The following CACNA1C variants were observed in gnomAD, a reference collection of about 807,000 sequenced individuals.
CACNA1C encodes calcium voltage-gated channel subunit alpha1 C.
In CACNA1C, 30 loss-of-function variants were observed where a neutral mutation model predicts 229.0. That is an observed-to-expected ratio of 0.13 (90% CI 0.10 to 0.18). The LOEUF is 0.18. CACNA1C is among the 10% of genes least tolerant of loss of function. CACNA1C has a pLI of 1.00. For missense variants in CACNA1C, 1,658 were observed against 2,845.0 expected, an observed-to-expected ratio of 0.58 and a Z score of 9.49; for synonymous variants, 1,114 against 1,132.5, an observed-to-expected ratio of 0.98 and a Z score of 0.33.
intron 3 of CACNA1C, among the ~76,000 whole-genome samples, chr12:2,407,205 A>AG (rs1201543022): frequency 2.0e-5 from 3 of 152,256 alleles, no homozygotes; most frequent in Admixed American, 6.5e-5. Flanking sequence ...CGGCAGGGAA[A>AG]GGGGGGCACA....
intron 34 of CACNA1C, among the ~76,000 whole-genome samples, chr12:2,657,561 A>G (rs980524939): frequency 6.6e-6 from 1 of 152,214 alleles, no homozygotes; most frequent in Non-Finnish European, 1.5e-5. Flanking sequence ...AAAGGAAGCT[A>G]AAGTAAAAGT....
rs2083831898 is a variant in CACNA1C, at chr12:2,116,349, G to GC, written c.371+804_371+805insC. Among the ~76,000 whole-genome samples, 19 of 152,086 alleles carry GC rather than the reference G, an allele frequency of 1.2e-4. 2 individuals are homozygous for GC. The South Asian group carries it at 3.8e-3, about 30-fold the overall frequency. ...AGCCCCTTACTTCATCAGAATCCTG[G>GC]GGCTGTAGAAATTGGGAAGGACTTT... On this transcript the variant is annotated intron_variant, in intron 2 of 46. Coordinates refer to ENST00000399655, the MANE Select transcript of CACNA1C (RefSeq NM_000719.7).
chr12:2,555,770 C>T (rs532511758), intron 10 of CACNA1C, among the ~76,000 whole-genome samples: 2 of 152,300 alleles, frequency 1.3e-5, no homozygotes, highest in South Asian at 4.1e-4. Flanking sequence ...ATCTCATGCA[C>T]GATGGCTTTG....
chr12:2,403,512 G>T lies in CACNA1C; in HGVS notation c.478-45464G>T, dbSNP rs1223174168. On this transcript the variant is annotated intron_variant, in intron 3 of 46. Transcript: ENST00000399655. This position sits in a 1 kb window ranked among gnomAD's most constrained non-coding sequence, Gnocchi z 4.1. ...CAAGGCCCGGAGCTGCCATCCCAAG[G>T]CTGCTTTTCCTTTCCTTTCTTTTTT... is the stretch of plus-strand genomic sequence containing the variant. 6.6e-6 allele frequency among the ~76,000 whole-genome samples: 1 copy of T among 152,132 alleles called. No individual in the cohort carries two copies. The highest frequency in any genetic ancestry group is 1.5e-5 in the Non-Finnish European group (1 of 68,022).
intron 1 of CACNA1C, among the ~76,000 whole-genome samples, chr12:2,006,946 A>C (rs2043573673): frequency 6.6e-6 from 1 of 152,216 alleles, no homozygotes; most frequent in Non-Finnish European, 1.5e-5. Flanking sequence ...TAGTTTGAAA[A>C]ACATAGGGCT....
In CACNA1C at chr12:2,585,537, T is replaced by C. The variant is rs891696146; in HGVS notation, c.2460+41T>C. The C allele has an allele frequency of 6.6e-6, 10 of 1,514,056 alleles. No homozygotes were observed. The highest frequency in any genetic ancestry group is 8.9e-6 in the Non-Finnish European group (10 of 1,127,810). 93.8% of individuals were successfully genotyped at this position (1,514,056 alleles called of 1,614,324 possible). On this transcript the variant is annotated intron_variant, in intron 17 of 46. Coordinates refer to ENST00000399655, the MANE Select transcript of CACNA1C (RefSeq NM_000719.7). This position sits in a 1 kb window ranked among gnomAD's most constrained non-coding sequence, Gnocchi z 4.1. ...CTTCCTGGAGCTGTGAGGCCGGTGCTGGGGAGGGAGGGCCACAGCCTTCCC... is the reference window on the plus strand; with the variant it reads ...CTTCCTGGAGCTGTGAGGCCGGTGCCGGGGAGGGAGGGCCACAGCCTTCCC...
rs912776483 is a variant in CACNA1C, at chr12:2,696,775, G to A, written c.*5576G>A. ...CTCAAGTTTATTACCAAGGGAATAA[G>A]GAAAAAAAGGTGAGCAGGCACCAGG... is the stretch of plus-strand genomic sequence containing the variant. On this transcript the variant is annotated 3_prime_UTR_variant, in exon 47 of 47. Coordinates refer to ENST00000399655, the MANE Select transcript of CACNA1C (RefSeq NM_000719.7). 8 of 152,116 alleles carry A rather than the reference G, an allele frequency of 5.3e-5. No individual in the cohort carries two copies. Among genetic ancestry groups the A allele is most frequent in the African/African-American group, 1.4e-4 (6 of 41,430 alleles). 9.4% of individuals were successfully genotyped at this position (152,116 alleles called of 1,614,324 possible).
intron 3 of CACNA1C, among the ~76,000 whole-genome samples, chr12:2,229,877 T>C (rs1380428286): frequency 6.6e-6 from 1 of 152,142 alleles, no homozygotes; most frequent in Non-Finnish European, 1.5e-5. Flanking sequence ...ACGGCAGCTT[T>C]TGCCCGGAAG....
chr12:2,283,913 G>A (rs1346359978), intron 3 of CACNA1C, among the ~76,000 whole-genome samples: 1 of 152,202 alleles, frequency 6.6e-6, no homozygotes, highest in African/African-American at 2.4e-5. Context: ...ATGGCTGGTG[G>A]GGAGGAGTAA....
intron 18 of CACNA1C, among the ~76,000 whole-genome samples, chr12:2,588,770 G>A (rs1371852975): frequency 6.6e-6 from 1 of 152,188 alleles, no homozygotes; most frequent in African/African-American, 2.4e-5. Context: ...CCAGATGAGT[G>A]GAAGCTAATT....
Position 2,688,482 on chromosome 12 carries a change from G to A in CACNA1C, c.5820G>A (p.Gln1940=). The A allele has an allele frequency of 1.2e-6, 2 of 1,613,720 alleles. No homozygotes were observed. Among genetic ancestry groups the A allele is most frequent in the South Asian group, 1.1e-5 (1 of 91,086 alleles). Residue 1940 remains glutamine, a synonymous_variant, in exon 46 of 47, where the codon CAG becomes CAA. Transcript: ENST00000399655. ...TGGCAGGCCTGAGCCCCCTCCTCCA[G>A]AGAAGCCATTCCCCTGCCTCATTCC... ...LAVAGLSPLL[Q]RSHSPASFPR... is the part of the protein sequence containing the mutation.
chr12:2,135,972 A>G (rs1461456398), intron 3 of CACNA1C, among the ~76,000 whole-genome samples: 4 of 149,834 alleles, frequency 2.7e-5, no homozygotes, highest in Non-Finnish European at 4.5e-5. Context: ...CCGTGGGCGT[A>G]GGACCCTCCG....
At chr12:2,625,160 T>C (rs1044618560) in intron 29 of CACNA1C, among the ~76,000 whole-genome samples, 1 of 152,166 alleles carries the variant, frequency 6.6e-6, no homozygotes, top group African/African-American at 2.4e-5. Context: ...GACAGGTTTC[T>C]TTCCGGCCTT....
At chr12:2,536,636 C>A (rs1006563119) in intron 9 of CACNA1C, among the ~76,000 whole-genome samples, 2 of 152,076 alleles carry the variant, frequency 1.3e-5, no homozygotes, top group African/African-American at 4.8e-5. Flanking sequence ...CGAGACCAAC[C>A]TGGGCAACAT....
chr12:2,618,499 C>T (rs1038334276), intron 29 of CACNA1C, among the ~76,000 whole-genome samples: 14 of 152,240 alleles, frequency 9.2e-5, no homozygotes, highest in Admixed American at 7.9e-4. Flanking sequence ...TGGCAAAGGC[C>T]ACGAGGCCCC....
At chr12:2,592,194 A>T (rs78965679) in intron 18 of CACNA1C, among the ~76,000 whole-genome samples, 1 of 152,334 alleles carries the variant, frequency 6.6e-6, no homozygotes, top group African/African-American at 2.4e-5. Flanking sequence ...TAAGGATCTG[A>T]CTGAGAAAGA....
intron 3 of CACNA1C, among the ~76,000 whole-genome samples, chr12:2,342,706 C>G (rs2096899739): frequency 6.6e-6 from 1 of 152,212 alleles, no homozygotes; most frequent in South Asian, 2.1e-4. Flanking sequence ...GCCTCCAAGC[C>G]ATCATTTTGA....
intron 3 of CACNA1C, among the ~76,000 whole-genome samples, chr12:2,444,857 G>A (rs948716904): frequency 1.3e-5 from 2 of 151,984 alleles, no homozygotes; most frequent in African/African-American, 2.4e-5. Context: ...TTTGGCTCCC[G>A]CCTCCATGAT....
chr12:2,555,364 C>T (rs1170529210), intron 10 of CACNA1C, among the ~76,000 whole-genome samples: 3 of 152,234 alleles, frequency 2.0e-5, no homozygotes, highest in Non-Finnish European at 2.9e-5. Flanking sequence ...GAAAGAAGGC[C>T]TGGGACCAGG....
Sources: allele counts gnomAD v4.1 joint callset (sites outside exome capture counted in the v4.1 genomes callset), GRCh38; gene constraint gnomAD v4.1.1; non-coding constraint Gnocchi (gnomAD v3.1); transcripts MANE v1.5; gene names NCBI Gene and HGNC (gene_info 2026-07-23, HGNC 2026-07-21).